The following CDH23 variants were observed in gnomAD, a reference collection of about 807,000 sequenced individuals.
CDH23 encodes the protein cadherin related 23.
In CDH23, 189 loss-of-function variants were observed where a neutral mutation model predicts 317.1. The observed-to-expected ratio is 0.60, with a 90% CI of 0.53 to 0.67. The LOEUF is 0.67. Among genes scored for constraint, CDH23 ranks in the 30% least tolerant of loss-of-function variants. CDH23 has a pLI of 0.00. For synonymous variants in CDH23, 1,839 were observed against 1,876.8 expected, an observed-to-expected ratio of 0.98 and a Z score of 0.52; for missense variants, 4,401 against 4,592.4, an observed-to-expected ratio of 0.96 and a Z score of 1.20.
At chr10:71,584,847 C>G (rs1031372466) in intron 9 of CDH23, among the ~76,000 whole-genome samples, 4 of 152,246 alleles carry the variant, frequency 2.6e-5, no homozygotes, top group Non-Finnish European at 5.9e-5. Context: ...TGCCTGGAAG[C>G]CCCAAACATC....
intron 3 of CDH23, among the ~76,000 whole-genome samples, chr10:71,474,382 C>CT (rs767962250): frequency 6.6e-6 from 1 of 152,242 alleles, no homozygotes; most frequent in Non-Finnish European, 1.5e-5. Flanking sequence ...TCTAATGCCT[C>CT]TGTCGCCTCC....
At chr10:71,574,787 G>A (rs546579557) in intron 8 of CDH23, among the ~76,000 whole-genome samples, 4 of 152,210 alleles carry the variant, frequency 2.6e-5, no homozygotes, top group Admixed American at 6.5e-5. Context: ...CCCACTGCCC[G>A]GGCCTCAGAG....
Position 71,704,974 on chromosome 10 carries a change from A to C in CDH23, c.2797A>C (p.Met933Leu), listed in dbSNP as rs1289513955. The C allele has an allele frequency of 1.2e-6, 2 of 1,612,664 alleles. No homozygotes were observed. Among genetic ancestry groups the C allele is most frequent in the Non-Finnish European group, 1.7e-6 (2 of 1,179,858 alleles). The change falls in exon 25 of 70, where the codon ATG becomes CTG. Residue 933 changes from methionine (M) to leucine (L), a missense_variant. Transcript: ENST00000224721. ...GLVSYRMPVGMPRMDFLINSS... is the reference protein window; with the variant it reads ...GLVSYRMPVGLPRMDFLINSS... Reference sequence around the variant, plus strand: ...GGTGTCCTACCGCATGCCGGTGGGCATGCCCCGCATGGACTTCCTCATCAA... The same window carrying C: ...GGTGTCCTACCGCATGCCGGTGGGCCTGCCCCGCATGGACTTCCTCATCAA...
chr10:71,799,510 G>A lies in CDH23; in HGVS notation c.7243G>A (p.Val2415Met). 1 of 1,614,080 alleles carries A rather than the reference G, an allele frequency of 6.2e-7. No homozygotes were observed. The highest frequency in any genetic ancestry group is 8.5e-7 in the Non-Finnish European group (1 of 1,179,908). The stretch of plus-strand genomic sequence containing the variant: ...GCTCCAGGAGGCTGTCTTTGAGGAT[G>A]TGCCTGTGGGCACAATCATCCTGAC... ...PSYQEAVFED[V>M]PVGTIILTVT... Residue 2415 changes from valine to methionine, a missense_variant, in exon 52 of 70, where the codon GTG becomes ATG. Val to Met is a conservative substitution (Grantham distance 21). Transcript: ENST00000224721.
chr10:71,733,264 G>T (rs1261889546), intron 32 of CDH23, among the ~76,000 whole-genome samples: 1 of 152,150 alleles, frequency 6.6e-6, no homozygotes, highest in African/African-American at 2.4e-5. Context: ...CAGAGCTTCG[G>T]TGCCCTCCTC....
intron 6 of CDH23, among the ~76,000 whole-genome samples, chr10:71,539,187 G>A (rs1219411751): frequency 6.6e-6 from 1 of 152,156 alleles, no homozygotes; most frequent in Non-Finnish European, 1.5e-5. Context: ...ACCCATCCAC[G>A]CCGTAGCCCC....
intron 44 of CDH23, among the ~76,000 whole-genome samples, chr10:71,787,373 A>G (rs1048739884): frequency 2.0e-5 from 3 of 149,206 alleles, no homozygotes; most frequent in East Asian, 3.9e-4. Context: ...AGGTTTCTTA[A>G]CATGTCCATA....
Position 71,785,733 on chromosome 10 carries a change from A to G in CDH23, c.5815A>G (p.Arg1939Gly). 2 of 1,594,278 alleles carry G rather than the reference A, an allele frequency of 1.3e-6. No individual in the cohort carries two copies. The highest frequency in any genetic ancestry group is 1.7e-5 in the Admixed American group (1 of 58,594). ...CAACCCGGAGAATCCACGCATAGCC[A>G]GGAGGGTGAGACTGGAGGGCACTGG... ...KDNPENPRIA[R>G]RDYDLLLIFL... The change falls in exon 44 of 70, where the codon AGG becomes GGG. Residue 1939 changes from arginine (R) to glycine (G), a missense_variant. Physicochemically the swap from Arg to Gly is moderately radical, Grantham distance 125. This residue lies in a region of CDH23 where 3,068 missense variants were observed against 3,203.3 expected (regional missense o/e 0.96). Transcript: ENST00000224721.
intron 14 of CDH23, among the ~76,000 whole-genome samples, chr10:71,651,929 A>T (rs971129943): frequency 4.6e-5 from 7 of 152,214 alleles, no homozygotes; most frequent in Admixed American, 4.6e-4. Flanking sequence ...GCAGTGGGAG[A>T]GGCGAAGTGC....
chr10:71,727,999 C>T (rs1361678372), intron 30 of CDH23, among the ~76,000 whole-genome samples: 3 of 152,186 alleles, frequency 2.0e-5, no homozygotes, highest in African/African-American at 7.2e-5. Flanking sequence ...ACAGGCCACA[C>T]CCCAGCTCCC....
chr10:71,681,362 C>T (rs551930247), intron 17 of CDH23, among the ~76,000 whole-genome samples: 2 of 152,274 alleles, frequency 1.3e-5, no homozygotes, highest in African/African-American at 2.4e-5. Context: ...AATGGCTTAG[C>T]ACAAACAAGT....
intron 16 of CDH23, among the ~76,000 whole-genome samples, chr10:71,678,407 G>A (rs1272989833): frequency 6.6e-6 from 1 of 152,188 alleles, no homozygotes; most frequent in African/African-American, 2.4e-5. Flanking sequence ...GCTTCCTGCA[G>A]CAAGTCCCCC....
At chr10:71,678,812 C>T (rs1358020644) in intron 16 of CDH23, among the ~76,000 whole-genome samples, 2 of 152,196 alleles carry the variant, frequency 1.3e-5, no homozygotes, top group Non-Finnish European at 2.9e-5. Flanking sequence ...TGCTTTCATG[C>T]AACATGCATG....
intron 6 of CDH23, among the ~76,000 whole-genome samples, chr10:71,512,688 T>C (rs1286770532): frequency 1.3e-5 from 2 of 152,214 alleles, no homozygotes; most frequent in Non-Finnish European, 2.9e-5. Context: ...GCCCTTGGGC[T>C]GGGGGCCAGC....
chr10:71,634,379 C>A (rs1862162067), intron 11 of CDH23, among the ~76,000 whole-genome samples: 1 of 152,250 alleles, frequency 6.6e-6, no homozygotes, highest in Admixed American at 6.5e-5. Context: ...CCCACTTTAG[C>A]CCCCTGCCCC....
intron 46 of CDH23, chr10:71,790,826 A>G (rs1841231810): frequency 2.0e-6 from 1 of 496,984 alleles, no homozygotes; most frequent in Non-Finnish European, 3.6e-6. Flanking sequence ...TGCCGACAGG[A>G]AAGCACATCT....
intron 30 of CDH23, among the ~76,000 whole-genome samples, chr10:71,727,135 T>A (rs74861291): frequency 1.8e-4 from 27 of 152,310 alleles, no homozygotes; most frequent in African/African-American, 6.3e-4. Flanking sequence ...GTAACCCTCA[T>A]AATAGCCTTA....
At position 71,536,999 on chromosome 10, in the gene CDH23, G is replaced by T. The variant is rs561651892; in HGVS notation, c.429+25787G>T. Among the ~76,000 whole-genome samples, 3 of 152,272 alleles carry T rather than the reference G, an allele frequency of 2.0e-5. 1 individual carries two copies. The East Asian group carries it at 5.8e-4, about 29-fold the overall frequency. The stretch of plus-strand genomic sequence containing the variant: ...CATTTGGATATTTGATTGCGAGGCT[G>T]CTCTGAAAGGCTCCATATTGCCTTC... On this transcript the variant is annotated intron_variant, in intron 6 of 69. Coordinates refer to ENST00000224721, the MANE Select transcript of CDH23 (RefSeq NM_022124.6).
At chr10:71,806,371 A>G in intron 57 of CDH23, 90 bp downstream of exon 57, 1 of 888,304 alleles carries the variant, frequency 1.1e-6, no homozygotes, top group Non-Finnish European at 1.8e-6. Flanking sequence ...CTGTGCCAGA[A>G]TACACATTTG....
Sources: gnomAD v4.1 joint callset for allele counts (sites outside exome capture counted in the v4.1 genomes callset) on GRCh38, gnomAD v4.1.1 for gene constraint, gnomAD v4.1.1 regional missense constraint, MANE v1.5 for transcripts, NCBI Gene and HGNC (gene_info 2026-07-23, HGNC 2026-07-21) for gene names.